Variants in COA1 observed in about 807,000 individuals in gnomAD.
The protein encoded by COA1 is cytochrome c oxidase assembly factor 1 homolog.
In COA1, 13 loss-of-function variants were observed where a neutral mutation model predicts 16.0. That is an observed-to-expected ratio of 0.81 (90% confidence interval 0.53 to 1.29). The LOEUF is 1.29. COA1 is among the 50% of genes most tolerant of loss of function. COA1 has a pLI of 0.00. For synonymous variants in COA1, 65 were observed against 65.7 expected, an observed-to-expected ratio of 0.99 and a Z score of 0.05; for missense variants, 179 against 177.0, an observed-to-expected ratio of 1.01 and a Z score of -0.06.
intron 6 of COA1, among the ~76,000 whole-genome samples, chr7:43,627,179 A>ATGTATAAT: frequency 6.6e-6 from 1 of 152,228 alleles, no homozygotes; most frequent in Admixed American, 6.5e-5. Context: ...AAATGTATAA[A>ATGTATAAT]ATGTATAAGT....
At chr7:43,615,017 G>T (rs759818937) in intron 6 of COA1, among the ~76,000 whole-genome samples, 1 of 152,206 alleles carries the variant, frequency 6.6e-6, no homozygotes, top group Non-Finnish European at 1.5e-5. Context: ...TCAAGATTTG[G>T]TGAAGATTTT....
intron 6 of COA1, chr7:43,619,503 T>C (rs963101821): frequency 5.5e-6 from 8 of 1,451,344 alleles, no homozygotes; most frequent in Non-Finnish European, 7.5e-6. Context: ...TTCCTCAGTC[T>C]CAGTTTCATA....
chr7:43,664,456 T>C (rs567835265), intron 1 of COA1, among the ~76,000 whole-genome samples: 1 of 152,348 alleles, frequency 6.6e-6, no homozygotes, highest in East Asian at 1.9e-4. Flanking sequence ...AGATAGTGTC[T>C]AGACATCACA....
intron 1 of COA1, among the ~76,000 whole-genome samples, chr7:43,695,284 T>C (rs1240884444): frequency 1.3e-5 from 2 of 152,082 alleles, no homozygotes; most frequent in Non-Finnish European, 2.9e-5. Flanking sequence ...GTCTTTACTA[T>C]GGCCTCTCTA....
chr7:43,624,936 GATAACCAGT>G, intron 6 of COA1: 5 of 1,114,932 alleles, frequency 4.5e-6, no homozygotes. Context: ...ACTGGAAGTG[GATAACCAGT>G]ATCACTTACA....
chr7:43,712,255 G>A (rs1380995677), intron 1 of COA1, among the ~76,000 whole-genome samples: 7 of 152,100 alleles, frequency 4.6e-5, no homozygotes, highest in Non-Finnish European at 8.8e-5. Flanking sequence ...TGGGACTACA[G>A]GCGCCCACCA....
chr7:43,669,140 C>G (rs1482608922), intron 1 of COA1, among the ~76,000 whole-genome samples: 1 of 152,172 alleles, frequency 6.6e-6, no homozygotes, highest in Non-Finnish European at 1.5e-5. Flanking sequence ...CCCTTCTCAG[C>G]AGGAAATAGC....
At chr7:43,711,274 C>T (rs1284874529) in intron 1 of COA1, 1 of 151,928 alleles carries the variant, frequency 6.6e-6, no homozygotes, top group African/African-American at 2.4e-5. Flanking sequence ...GCATGGTTAA[C>T]TCAATGTAGG....
intron 4 of COA1, among the ~76,000 whole-genome samples, chr7:43,642,710 G>C (rs1450131496): frequency 6.6e-6 from 1 of 152,202 alleles, no homozygotes; most frequent in Admixed American, 6.5e-5. Flanking sequence ...TTACAGGTTG[G>C]TTCCTTCACC....
intron 1 of COA1, among the ~76,000 whole-genome samples, chr7:43,705,603 G>A (rs2094938833): frequency 6.6e-6 from 1 of 152,158 alleles, no homozygotes; most frequent in African/African-American, 2.4e-5. Flanking sequence ...TATTGTCCAG[G>A]TCTGGCAGCC....
At chr7:43,681,367 T>C (rs1254538915) in intron 1 of COA1, among the ~76,000 whole-genome samples, 2 of 152,212 alleles carry the variant, frequency 1.3e-5, no homozygotes, top group African/African-American at 4.8e-5. Flanking sequence ...TTCCTAGAGG[T>C]CATATTTTTT....
intron 1 of COA1, among the ~76,000 whole-genome samples, chr7:43,661,643 A>AAC (rs1221480044): frequency 6.8e-6 from 1 of 147,118 alleles, no homozygotes; most frequent in Non-Finnish European, 1.5e-5. Context: ...TCTCAAAAAA[A>AAC]AAAAAAAGAG....
chr7:43,613,679 C>CA (rs1168939485), intron 6 of COA1, among the ~76,000 whole-genome samples: 1 of 151,864 alleles, frequency 6.6e-6, no homozygotes, highest in Non-Finnish European at 1.5e-5. Context: ...CTCATCTCCA[C>CA]AAAAAATTAA....
chr7:43,628,093 T>C (rs1165599176), intron 6 of COA1, among the ~76,000 whole-genome samples: 3 of 152,132 alleles, frequency 2.0e-5, no homozygotes, highest in Non-Finnish European at 2.9e-5. Flanking sequence ...TTCAAGGGAT[T>C]CTCCTGCCTC....
chr7:43,663,666 CAA>C (rs759423078), intron 1 of COA1, among the ~76,000 whole-genome samples: 24 of 70,628 alleles, frequency 3.4e-4, no homozygotes, highest in African/African-American at 1.1e-3. Context: ...GACCCTATCT[CAA>C]AAAAAAAAAA....
intron 6 of COA1, among the ~76,000 whole-genome samples, chr7:43,622,013 AGGGGCTAGT>A (rs2083947810): frequency 6.6e-6 from 1 of 152,180 alleles, no homozygotes; most frequent in South Asian, 2.1e-4. Context: ...GTCCATAAAA[AGGGGCTAGT>A]AATAGTACCG....
At chr7:43,647,346 T>C (rs2089631141) in intron 3 of COA1, 189 bp downstream of exon 3, 4 of 604,812 alleles carry the variant, frequency 6.6e-6, no homozygotes, top group Non-Finnish European at 1.2e-5. Flanking sequence ...TTGTACTCGT[T>C]GCTCCTGGAA....
At chr7:43,701,015 A>ACAT (rs150986090) in intron 1 of COA1, among the ~76,000 whole-genome samples, 22,356 of 152,212 alleles carry the variant, frequency 0.15, 2,185 homozygotes, top group Non-Finnish European at 0.21. Context: ...AGTTTTTGTT[A>ACAT]AAACTTACAG....
chr7:43,695,455 CTT>C (rs2131177301), intron 1 of COA1, among the ~76,000 whole-genome samples: 1 of 147,004 alleles, frequency 6.8e-6, no homozygotes, highest in African/African-American at 2.4e-5. Flanking sequence ...CACATGCTCT[CTT>C]CTCTCTCTCT....
Sources: allele counts gnomAD v4.1 joint callset (sites outside exome capture counted in the v4.1 genomes callset), GRCh38; gene constraint gnomAD v4.1.1; transcripts MANE v1.5; gene names NCBI Gene and HGNC (gene_info 2026-07-23, HGNC 2026-07-21).